USH2A: variants seen among roughly 807,000 people sequenced by gnomAD.
The protein encoded by USH2A is Usher syndrome 2A (autosomal recessive, mild).
A neutral mutation model predicts 538.9 loss-of-function variants in USH2A; 443 were observed. That is an observed-to-expected ratio of 0.82 (90% CI 0.76 to 0.89). USH2A has a LOEUF of 0.89. Among genes scored for constraint, USH2A ranks in the 40% least tolerant of loss-of-function variants. USH2A has a pLI of 0.00. For synonymous variants in USH2A, 2,413 were observed against 2,273.5 expected, an observed-to-expected ratio of 1.06 and a Z score of -1.75; for missense variants, 6,633 against 6,324.8, an observed-to-expected ratio of 1.05 and a Z score of -1.65.
chr1:215,860,043 A>G (rs1178936550), intron 44 of USH2A, among the ~76,000 whole-genome samples: 1 of 152,184 alleles, frequency 6.6e-6, no homozygotes, highest in Non-Finnish European at 1.5e-5. Flanking sequence ...GGTTTTTAGA[A>G]AGCCGGGCAT....
intron 12 of USH2A, among the ~76,000 whole-genome samples, chr1:216,250,057 G>T (rs933310341): frequency 6.6e-6 from 1 of 151,974 alleles, no homozygotes; most frequent in African/African-American, 2.4e-5. Flanking sequence ...ACAATACAGG[G>T]CTCACTTCAT....
chr1:216,261,409 G>A (rs1017445068), intron 11 of USH2A, among the ~76,000 whole-genome samples: 2 of 144,616 alleles, frequency 1.4e-5, no homozygotes, highest in African/African-American at 5.1e-5. Context: ...GAGCCCAGGA[G>A]TTTGAGTCCA....
At chr1:215,952,938 A>G (rs1335236729) in intron 37 of USH2A, among the ~76,000 whole-genome samples, 1 of 152,232 alleles carries the variant, frequency 6.6e-6, no homozygotes, top group African/African-American at 2.4e-5. Flanking sequence ...ACAGAGAGCC[A>G]AATCATGAGT....
intron 56 of USH2A, among the ~76,000 whole-genome samples, chr1:215,765,603 A>C (rs1220672709): frequency 6.6e-6 from 1 of 152,148 alleles, no homozygotes; most frequent in Admixed American, 6.5e-5. Context: ...AACACATGCC[A>C]CTGAGTATAT....
chr1:215,948,725 C>T (rs1295084807), intron 37 of USH2A, among the ~76,000 whole-genome samples: 1 of 151,882 alleles, frequency 6.6e-6, no homozygotes, highest in Non-Finnish European at 1.5e-5. Context: ...TCCTGTGCAC[C>T]TATCTAATTT....
At chr1:216,115,282 C>G (rs931426157) in intron 21 of USH2A, among the ~76,000 whole-genome samples, 1 of 152,114 alleles carries the variant, frequency 6.6e-6, no homozygotes, top group African/African-American at 2.4e-5. Context: ...GCTGGGACTA[C>G]AAGCATGTGC....
chr1:215,911,874 T>C (rs1665793507), intron 38 of USH2A, among the ~76,000 whole-genome samples: 1 of 152,050 alleles, frequency 6.6e-6, no homozygotes, highest in Admixed American at 6.6e-5. Flanking sequence ...GCTTTTGTTA[T>C]TTATTGCCTG....
chr1:215,793,780 G>C (rs1422733861), intron 50 of USH2A, among the ~76,000 whole-genome samples: 1 of 152,044 alleles, frequency 6.6e-6, no homozygotes, highest in African/African-American at 2.4e-5. Context: ...TTTCAACTCA[G>C]AGTTTCACAT....
intron 52 of USH2A, among the ~76,000 whole-genome samples, chr1:215,786,363 A>G (rs1279975958): frequency 6.6e-6 from 1 of 152,222 alleles, no homozygotes; most frequent in Non-Finnish European, 1.5e-5. Context: ...GCAGCTTTTG[A>G]AAAAGGAAAT....
chr1:215,990,711 TC>T (rs1033920929), intron 35 of USH2A, among the ~76,000 whole-genome samples: 8 of 152,000 alleles, frequency 5.3e-5, no homozygotes, highest in African/African-American at 1.7e-4. Context: ...GAGTTGTATT[TC>T]TACAGGTAAG....
chr1:215,697,926 C>T (rs1467284278), intron 61 of USH2A, among the ~76,000 whole-genome samples: 1 of 152,152 alleles, frequency 6.6e-6, no homozygotes, highest in African/African-American at 2.4e-5. Context: ...TTGCTGCACC[C>T]ATCAGCCCGT....
chr1:215,636,618 T>C (rs1205188559), intron 69 of USH2A, among the ~76,000 whole-genome samples: 2 of 152,084 alleles, frequency 1.3e-5, no homozygotes. Flanking sequence ...ATGGGCCCAG[T>C]GGGCCCCTTG....
intron 38 of USH2A, among the ~76,000 whole-genome samples, chr1:215,907,341 G>A (rs894751291): frequency 6.6e-6 from 1 of 151,884 alleles, no homozygotes; most frequent in Non-Finnish European, 1.5e-5. Flanking sequence ...TACCATTCGT[G>A]GGCTAGAACC....
intron 21 of USH2A, among the ~76,000 whole-genome samples, chr1:216,165,757 A>G (rs1001716787): frequency 6.6e-6 from 1 of 152,154 alleles, no homozygotes; most frequent in African/African-American, 2.4e-5. Flanking sequence ...TAAGCATGAA[A>G]AAGATAGTCA....
chr1:215,768,225 G>C (rs548859765), intron 55 of USH2A, among the ~76,000 whole-genome samples: 1 of 152,196 alleles, frequency 6.6e-6, no homozygotes, highest in Admixed American at 6.5e-5. Flanking sequence ...TCTGATGTTT[G>C]CTGTGTCTCT....
rs542476189 is a variant in USH2A at position 216,393,637 on chromosome 1, T to TA, written c.651+24876dup. On this transcript the variant is annotated intron_variant, in intron 3 of 71. Coordinates refer to ENST00000307340, the MANE Select transcript of USH2A (RefSeq NM_206933.4). ...ATAATGTTTGCAAAACACTGAAAAT[T>TA]AAAAAAAATATTATGCAAGTCTTCT... Among the ~76,000 whole-genome samples, 398 of 151,992 alleles carry TA rather than the reference T, an allele frequency of 2.6e-3. 3 individuals are homozygous for TA. Among genetic ancestry groups the TA allele is most frequent in the African/African-American group, 9.2e-3 (380 of 41,458 alleles).
intron 21 of USH2A, among the ~76,000 whole-genome samples, chr1:216,142,434 A>G (rs1033854221): frequency 2.2e-4 from 33 of 152,254 alleles, no homozygotes; most frequent in Non-Finnish European, 7.3e-5. Flanking sequence ...AATAGAAATC[A>G]TATTACAAAT....
In USH2A at chr1:215,634,633, C is replaced by T; in HGVS notation, c.15123G>A (p.Leu5041=). 6.2e-7 allele frequency: 1 copy of T among 1,614,262 alleles called. No homozygotes were observed. ...RSKSTEFYSE[L]WFIVLMAMLG... is the part of the protein sequence containing the mutation. ...GCATCGCCATTAACACTATGAACCA[C>T]AGCTCGCTGTAGAACTCTGTGCTTT... The change falls in exon 70 of 72, where the codon CTG becomes CTA. Residue 5041 remains leucine (L), a synonymous_variant. Transcript: ENST00000307340.
At chr1:215,676,310 A>AACATC (rs1658025230) in intron 62 of USH2A, among the ~76,000 whole-genome samples, 1 of 152,186 alleles carries the variant, frequency 6.6e-6, no homozygotes, top group African/African-American at 2.4e-5. Context: ...TCTGGAAAAA[A>AACATC]ACATCTGAAT....
Sources: allele counts gnomAD v4.1 joint callset (sites outside exome capture counted in the v4.1 genomes callset), GRCh38; gene constraint gnomAD v4.1.1; transcripts MANE v1.5; gene names NCBI Gene and HGNC (gene_info 2026-07-23, HGNC 2026-07-21).